ZC3HC1: variants seen among roughly 807,000 people sequenced by gnomAD.
The protein encoded by ZC3HC1 is zinc finger C3HC-type protein 1.
A neutral mutation model predicts 61.9 loss-of-function variants in ZC3HC1; 38 were observed. That is an observed-to-expected ratio of 0.61 (90% CI 0.47 to 0.81). The LOEUF is 0.81. Ranked by LOEUF, ZC3HC1 falls within the 30% of genes least tolerant of loss-of-function variation. The probability of loss-of-function intolerance (pLI) is 0.00; values close to 1 mark genes in which losing one functional copy is unlikely to be tolerated. For missense variants in ZC3HC1, 554 were observed against 622.7 expected, an observed-to-expected ratio of 0.89 and a Z score of 1.17; for synonymous variants, 213 against 229.9, an observed-to-expected ratio of 0.93 and a Z score of 0.67.
intron 3 of ZC3HC1, among the ~76,000 whole-genome samples, chr7:130,040,304 C>A (rs1248393309): frequency 6.9e-6 from 1 of 144,998 alleles, no homozygotes; most frequent in Non-Finnish European, 1.5e-5. Context: ...ACCATCCTGG[C>A]TAACACGGTG....
intron 4 of ZC3HC1, among the ~76,000 whole-genome samples, chr7:130,038,126 G>A (rs1268135093): frequency 2.6e-5 from 4 of 152,272 alleles, no homozygotes; most frequent in Admixed American, 6.5e-5. Flanking sequence ...ACCCAGTTGA[G>A]ATTACACTTT....
intron 2 of ZC3HC1, among the ~76,000 whole-genome samples, chr7:130,042,005 G>A (rs1794694027): frequency 6.6e-6 from 1 of 152,092 alleles, no homozygotes. Flanking sequence ...TATTTTATGT[G>A]TTTAAAATGT....
chr7:130,030,612 A>G (rs1456334600), intron 4 of ZC3HC1, among the ~76,000 whole-genome samples: 1 of 151,972 alleles, frequency 6.6e-6, no homozygotes, highest in Non-Finnish European at 1.5e-5. Context: ...AAGCCACTCG[A>G]GTCACTGGTC....
At chr7:130,022,672 T>G (rs566435922) in intron 8 of ZC3HC1, 147 bp from the exon 9 acceptor site, 1 of 855,638 alleles carries the variant, frequency 1.2e-6, no homozygotes. Context: ...CTACACATTT[T>G]CCTCTCATTT....
At position 130,022,492 on chromosome 7, in the gene ZC3HC1, A is replaced by C. The variant is rs759916127; in HGVS notation, c.1267T>G (p.Ser423Ala). ...TSSRSFFDPT[S>A]QHRDWCPWVN... ...CAAGGGCACCAGTCTCTATGCTGAG[A>C]GGTGGGATCAAAGAAGCTTCGGGAA... is the stretch of plus-strand genomic sequence containing the variant. Residue 423 changes from serine (S) to alanine (A), a missense_variant, in exon 9 of 10, where the codon TCT becomes GCT. Transcript: ENST00000358303. 2.5e-6 allele frequency: 4 copies of C among 1,613,684 alleles called. No homozygotes were observed. The highest frequency in any genetic ancestry group is 3.4e-6 in the Non-Finnish European group (4 of 1,179,794).
At chr7:130,041,594 G>A (rs866117089) in intron 2 of ZC3HC1, among the ~76,000 whole-genome samples, 5 of 142,964 alleles carry the variant, frequency 3.5e-5, no homozygotes, top group African/African-American at 5.2e-5. Flanking sequence ...GCACAGTCTC[G>A]GCTCGGTTTC....
Position 130,023,105 on chromosome 7 carries a change from T to TATA in ZC3HC1, c.1233+403_1233+405dup, listed in dbSNP as rs1212384131. Reference sequence around the variant, plus strand: ...ACAATTATTTCATTATATATTACAATATAATAATAATAGAAATAAAGTACA... The same window carrying TATA: ...ACAATTATTTCATTATATATTACAATATAATAATAATAATAGAAATAAAGTACA... On this transcript the variant is annotated intron_variant, in intron 8 of 9. Transcript: ENST00000358303. This position sits in a 1 kb window ranked among gnomAD's most constrained non-coding sequence, Gnocchi z 4.2. 1 of 167,788 alleles carries TATA rather than the reference T, an allele frequency of 6.0e-6. No individual in the cohort carries two copies. Among genetic ancestry groups the TATA allele is most frequent in the South Asian group, 1.4e-4 (1 of 7,306 alleles). 10.4% of individuals were successfully genotyped at this position (167,788 alleles called of 1,614,324 possible). A position where few individuals can be genotyped will look rare whatever the true frequency, so the allele number is the denominator to read the frequency against.
At chr7:130,043,565 T>G (rs1213779178) in intron 2 of ZC3HC1, 1 of 185,184 alleles carries the variant, frequency 5.4e-6, no homozygotes, top group East Asian at 1.5e-4. Flanking sequence ...GAAATGGATC[T>G]AAATATTTTA....
At chr7:130,038,410 T>C (rs991683738) in intron 4 of ZC3HC1, among the ~76,000 whole-genome samples, 8 of 152,212 alleles carry the variant, frequency 5.3e-5, no homozygotes, top group Non-Finnish European at 1.0e-4. Context: ...TCCACCATTA[T>C]TGCTGTTAGT....
chr7:130,033,946 T>A (rs1012262939), intron 4 of ZC3HC1, among the ~76,000 whole-genome samples: 7 of 152,132 alleles, frequency 4.6e-5, no homozygotes, highest in African/African-American at 1.7e-4. Context: ...TGGGCAGAAG[T>A]GCTGCTGTTA....
rs192134116 is a variant in ZC3HC1 at position 130,023,819 on chromosome 7, A to G, written c.1021-96T>C. Reference sequence around the variant, plus strand: ...TTAATCTTTTTTCTTTTTTTTTTTGAGACAGAGTCTCGCTTTGTTGCCAAG... The same window carrying G: ...TTAATCTTTTTTCTTTTTTTTTTTGGGACAGAGTCTCGCTTTGTTGCCAAG... On this transcript the variant is annotated intron_variant, in intron 7 of 9. Coordinates refer to ENST00000358303, the MANE Select transcript of ZC3HC1 (RefSeq NM_016478.5). This position sits in a 1 kb window ranked among gnomAD's most constrained non-coding sequence, Gnocchi z 4.2. 16 of 1,093,872 alleles carry G rather than the reference A, an allele frequency of 1.5e-5. No homozygotes were observed. The highest frequency in any genetic ancestry group is 2.0e-5 in the Non-Finnish European group (16 of 783,050). 67.8% of individuals were successfully genotyped at this position (1,093,872 alleles called of 1,614,324 possible). A position where few individuals can be genotyped will look rare whatever the true frequency, so the allele number is the denominator to read the frequency against.
intron 6 of ZC3HC1, 57 bp from the exon 7 acceptor site, chr7:130,024,563 G>A: frequency 6.4e-7 from 1 of 1,551,496 alleles, no homozygotes; most frequent in Admixed American, 1.8e-5. Flanking sequence ...AAATGACTAA[G>A]TGCAATGTCT....
At chr7:130,027,589 G>A (rs1354487008) in intron 5 of ZC3HC1, among the ~76,000 whole-genome samples, 4 of 151,936 alleles carry the variant, frequency 2.6e-5, no homozygotes, top group Admixed American at 1.3e-4. Context: ...GTGCGATCTC[G>A]GCTCACTGCA....
At chr7:130,024,572 C>T in intron 6 of ZC3HC1, 66 bp from the exon 7 acceptor site, 1 of 1,530,714 alleles carries the variant, frequency 6.5e-7, no homozygotes, top group Non-Finnish European at 8.8e-7. Flanking sequence ...AGTGCAATGT[C>T]TTGTGAGTAT....
chr7:130,045,967 AG>A (rs1794849284), intron 2 of ZC3HC1, among the ~76,000 whole-genome samples: 1 of 151,832 alleles, frequency 6.6e-6, no homozygotes, highest in South Asian at 2.1e-4. Context: ...GATACTATGC[AG>A]CCATAAAAGG....
In ZC3HC1 at chr7:130,018,602, G is replaced by A. The variant is rs1041934143; in HGVS notation, c.*62C>T. On this transcript the variant is annotated 3_prime_UTR_variant, in exon 10 of 10. Transcript: ENST00000358303. ...GTGTCAGCTGACCGAAAGGAACTCA[G>A]CCTTAATTTTTCAAAAAGTCACTCT... 1 of 1,458,882 alleles carries A rather than the reference G, an allele frequency of 6.9e-7. No homozygotes were observed. The highest frequency in any genetic ancestry group is 1.4e-5 in the African/African-American group (1 of 71,792). 90.4% of individuals were successfully genotyped at this position (1,458,882 alleles called of 1,614,324 possible). A position where few individuals can be genotyped will look rare whatever the true frequency, so the allele number is the denominator to read the frequency against.
At position 130,024,370 on chromosome 7, in the gene ZC3HC1, T is replaced by C. The variant is rs139253452; in HGVS notation, c.913A>G (p.Ile305Val). ...DASFGLTSSPIPGLEGRPERL... is the reference protein window; with the variant it reads ...DASFGLTSSPVPGLEGRPERL... ...TCTGGTCGCCCCTCAAGGCCTGGGA[T>C]TGGGGAGCTGGTCAGGCCAAAGGAT... The change falls in exon 7 of 10, where the codon ATC becomes GTC. Residue 305 changes from isoleucine to valine, a missense_variant. Coordinates refer to ENST00000358303, the MANE Select transcript of ZC3HC1 (RefSeq NM_016478.5). 909 of 1,614,084 alleles carry C rather than the reference T, an allele frequency of 5.6e-4. No individual in the cohort carries two copies. Among genetic ancestry groups the C allele is most frequent in the Non-Finnish European group, 6.5e-4 (762 of 1,180,010 alleles).
At chr7:130,039,575 T>TA (rs1563082567) in intron 3 of ZC3HC1, 28 bp from the exon 4 acceptor site, 1 of 1,562,748 alleles carries the variant, frequency 6.4e-7, no homozygotes. Context: ...AGCAACACCT[T>TA]AAAAAACACT....
intron 9 of ZC3HC1, 86 bp downstream of exon 9, chr7:130,022,233 C>T (rs1297279135): frequency 3.3e-6 from 5 of 1,526,440 alleles, no homozygotes; most frequent in Non-Finnish European, 3.6e-6. Flanking sequence ...TGAAGGCAGG[C>T]GGGGTGCTAA....
Sources: gnomAD v4.1 joint callset for allele counts (sites outside exome capture counted in the v4.1 genomes callset) on GRCh38, gnomAD v4.1.1 for gene constraint, Gnocchi (gnomAD v3.1) non-coding constraint, MANE v1.5 for transcripts, NCBI Gene and HGNC (gene_info 2026-07-23, HGNC 2026-07-21) for gene names.